DPP10: variants seen among roughly 807,000 people sequenced by gnomAD.
The protein encoded by DPP10 is inactive dipeptidyl peptidase 10.
In DPP10, 33 loss-of-function variants were observed where a neutral mutation model predicts 120.9. That is an observed-to-expected ratio of 0.27 (90% CI 0.21 to 0.37). The LOEUF is 0.37. Ranked by LOEUF, DPP10 falls within the 10% of genes least tolerant of loss-of-function variation. The pLI is 1.00. For missense variants in DPP10, 816 were observed against 942.8 expected (o/e 0.87, Z 1.76); for synonymous variants, 337 against 326.1 (o/e 1.03, Z -0.36).
intron 1 of DPP10, among the ~76,000 whole-genome samples, chr2:114,595,323 C>G (rs888898996): frequency 6.6e-6 from 1 of 151,998 alleles, no homozygotes; most frequent in African/African-American, 2.4e-5. Flanking sequence ...ATCGCCTACC[C>G]ACCACCCCAC....
intron 5 of DPP10, among the ~76,000 whole-genome samples, chr2:115,634,674 G>A (rs1300089895): frequency 6.6e-6 from 1 of 152,146 alleles, no homozygotes; most frequent in Non-Finnish European, 1.5e-5. Context: ...CTAATTGAGG[G>A]TTCTCCTCCA....
chr2:115,595,634 CT>C (rs547600347), intron 5 of DPP10, among the ~76,000 whole-genome samples: 310 of 151,954 alleles, frequency 2.0e-3, no homozygotes, highest in African/African-American at 7.2e-3. Context: ...AACAAAATTC[CT>C]TTTTTAACAT....
intron 2 of DPP10, among the ~76,000 whole-genome samples, chr2:115,326,507 A>G (rs1207368367): frequency 6.6e-6 from 1 of 152,054 alleles, no homozygotes; most frequent in Non-Finnish European, 1.5e-5. Flanking sequence ...TTAAAACATA[A>G]GTTAACTGTA....
intron 1 of DPP10, among the ~76,000 whole-genome samples, chr2:114,815,547 G>C (rs79363064): frequency 1.3e-5 from 2 of 152,284 alleles, no homozygotes; most frequent in East Asian, 1.9e-4. Flanking sequence ...TTTCAAAAAA[G>C]TTAGTATCTA....
intron 5 of DPP10, among the ~76,000 whole-genome samples, chr2:115,622,208 A>T (rs1292560526): frequency 6.6e-6 from 1 of 152,120 alleles, no homozygotes; most frequent in East Asian, 1.9e-4. Flanking sequence ...CCAGCCATAG[A>T]CAAGAACTCA....
intron 1 of DPP10, among the ~76,000 whole-genome samples, chr2:114,816,182 T>C (rs1685628802): frequency 6.6e-6 from 1 of 152,192 alleles, no homozygotes; most frequent in Non-Finnish European, 1.5e-5. Context: ...GTTCCTCCCT[T>C]TGTTAGCCCT....
intron 1 of DPP10, among the ~76,000 whole-genome samples, chr2:114,857,314 C>T (rs778384697): frequency 6.6e-6 from 1 of 152,180 alleles, no homozygotes; most frequent in South Asian, 2.1e-4. Context: ...GTTATTCCAC[C>T]TGAAGGAGAA....
intron 3 of DPP10, among the ~76,000 whole-genome samples, chr2:115,449,623 T>C (rs1456029651): frequency 6.6e-6 from 1 of 152,092 alleles, no homozygotes; most frequent in Non-Finnish European, 1.5e-5. Context: ...CTCTTCTAGC[T>C]AAATATTGAA....
At chr2:114,839,892 T>G (rs1271744014) in intron 1 of DPP10, among the ~76,000 whole-genome samples, 1 of 152,176 alleles carries the variant, frequency 6.6e-6, no homozygotes, top group Non-Finnish European at 1.5e-5. Context: ...AATAAACTAT[T>G]GGGTAGCATT....
intron 1 of DPP10, among the ~76,000 whole-genome samples, chr2:114,618,549 A>T (rs1178329418): frequency 6.6e-6 from 1 of 151,998 alleles, no homozygotes; most frequent in African/African-American, 2.4e-5. Context: ...ATTTTTTAAC[A>T]GGGTTGTTGG....
intron 1 of DPP10, among the ~76,000 whole-genome samples, chr2:114,632,637 C>T (rs868428000): frequency 7.9e-5 from 12 of 150,990 alleles, no homozygotes; most frequent in South Asian, 4.2e-4. Context: ...CTCAGCCTCC[C>T]GAATAGCTGG....
intron 1 of DPP10, among the ~76,000 whole-genome samples, chr2:115,010,593 T>C (rs188018729): frequency 2.0e-5 from 3 of 152,228 alleles, no homozygotes; most frequent in African/African-American, 7.2e-5. Context: ...TACAAATCAT[T>C]CTCCATAATT....
At chr2:115,729,730 C>T (rs1490510779) in intron 8 of DPP10, among the ~76,000 whole-genome samples, 1 of 152,138 alleles carries the variant, frequency 6.6e-6, no homozygotes, top group Non-Finnish European at 1.5e-5. Context: ...AGCTATGATC[C>T]AGGCCCCTGA....
intron 1 of DPP10, among the ~76,000 whole-genome samples, chr2:115,283,098 A>G (rs1203572839): frequency 1.3e-5 from 2 of 151,922 alleles, no homozygotes; most frequent in Non-Finnish European, 2.9e-5. Flanking sequence ...ACCTGTTACT[A>G]GCTCACTCTT....
At chr2:114,928,991 C>T (rs1215098885) in intron 1 of DPP10, among the ~76,000 whole-genome samples, 5 of 152,114 alleles carry the variant, frequency 3.3e-5, no homozygotes, top group Non-Finnish European at 7.4e-5. Context: ...TAAGTGTCAG[C>T]TGGTCTGAGA....
At chr2:114,560,576 G>T (rs1178666130) in intron 1 of DPP10, among the ~76,000 whole-genome samples, 1 of 152,116 alleles carries the variant, frequency 6.6e-6, no homozygotes, top group African/African-American at 2.4e-5. Flanking sequence ...CCTGGGTGAG[G>T]AGAGAGTGGG....
intron 21 of DPP10, among the ~76,000 whole-genome samples, chr2:115,818,196 T>A (rs1237627152): frequency 6.6e-6 from 1 of 152,218 alleles, no homozygotes; most frequent in Non-Finnish European, 1.5e-5. Flanking sequence ...TTGGAATTTT[T>A]GTCTAGTTTC....
intron 1 of DPP10, among the ~76,000 whole-genome samples, chr2:114,942,287 GTATATATATACATATATATATATA>G (rs1558903641): frequency 8.9e-6 from 1 of 112,804 alleles, no homozygotes; most frequent in African/African-American, 3.8e-5. Flanking sequence ...AAAAAAATGT[GTATATATATACATATATATATATA>G]TATATATATA....
intron 1 of DPP10, among the ~76,000 whole-genome samples, chr2:114,567,442 G>A (rs910354927): frequency 5.9e-5 from 9 of 152,114 alleles, no homozygotes; most frequent in African/African-American, 1.7e-4. Flanking sequence ...TTTTAAGAGG[G>A]AGGCAAGAAG....
Sources: gnomAD v4.1 joint callset for allele counts (sites outside exome capture counted in the v4.1 genomes callset) on GRCh38, gnomAD v4.1.1 for gene constraint, MANE v1.5 for transcripts, NCBI Gene and HGNC (gene_info 2026-07-23, HGNC 2026-07-21) for gene names.